The following AHCY variants were observed in gnomAD, a reference collection of about 807,000 sequenced individuals.
AHCY encodes the protein adenosylhomocysteinase.
A neutral mutation model predicts 45.4 loss-of-function variants in AHCY; 24 were observed. The ratio of observed to expected loss-of-function variants is 0.53; its 90% CI spans 0.38 to 0.74. The LOEUF is 0.74. Ranked by LOEUF, AHCY falls within the 30% of genes least tolerant of loss-of-function variation. The pLI is 0.00. For missense variants in AHCY, 449 were observed against 594.1 expected (o/e 0.76, Z 2.54); for synonymous variants, 245 against 235.1 (o/e 1.04, Z -0.39).
chr20:34,304,151 CTG>C (rs1175352180), upstream of AHCY, among the ~76,000 whole-genome samples: 4 of 152,328 alleles, frequency 2.6e-5, no homozygotes, highest in East Asian at 7.7e-4. Context: ...TTAAATAGTT[CTG>C]TGTTTAGCAC....
At chr20:34,291,089 A>T in intron 5 of AHCY, 151 bp from the exon 6 acceptor site, 1 of 732,442 alleles carries the variant, frequency 1.4e-6, no homozygotes, top group Non-Finnish European at 2.3e-6. Flanking sequence ...CAATGCCCCC[A>T]CAAGCCCTTC....
At chr20:34,268,325 T>C in the AHCY span, among the ~76,000 whole-genome samples, 21 of 152,194 alleles carry the variant, frequency 1.4e-4, no homozygotes, top group Non-Finnish European at 2.5e-4. Context: ...CTGCGTTCGG[T>C]GCACAGCGGG....
intron 1 of AHCY, among the ~76,000 whole-genome samples, chr20:34,309,977 T>C (rs763960069): frequency 6.6e-6 from 1 of 151,150 alleles, no homozygotes; most frequent in South Asian, 2.1e-4. Context: ...AGAAGAACCA[T>C]GGAGGTGGAG....
intron 8 of AHCY, chr20:34,286,139 C>T (rs530782499): frequency 4.5e-6 from 1 of 224,304 alleles, no homozygotes; most frequent in African/African-American, 2.3e-5. Context: ...CAAAGAAATG[C>T]TGAGCTGCAG....
chr20:34,311,300 A>C (rs1172084176), intron 1 of AHCY, among the ~76,000 whole-genome samples: 1 of 152,196 alleles, frequency 6.6e-6, no homozygotes, highest in African/African-American at 2.4e-5. Flanking sequence ...TGTACAAGAA[A>C]CTGCTAACAG....
the AHCY span, chr20:34,269,020 G>A: frequency 6.2e-7 from 1 of 1,608,088 alleles, no homozygotes; most frequent in Non-Finnish European, 8.5e-7. Flanking sequence ...AAGTGGTGCG[G>A]CCCCGGACCC....
In AHCY at chr20:34,290,560, A is replaced by G; in HGVS notation, c.845T>C (p.Ile282Thr). Reference sequence around the variant, plus strand: ...CCCATCTGGCACCTACCGGCCAAGGATGATGTCAATACAGCCTGTGGTGGT... The same window carrying G: ...CCCATCTGGCACCTACCGGCCAAGGGTGATGTCAATACAGCCTGTGGTGGT... Reference protein sequence around the residue: ...FVTTTGCIDIILGRHFEQMKD... With the variant: ...FVTTTGCIDITLGRHFEQMKD... Residue 282 changes from isoleucine (I) to threonine (T), a missense_variant, in exon 7 of 10, where the codon ATC (isoleucine) becomes ACC (threonine). Ile to Thr is a moderately conservative substitution (Grantham distance 89, BLOSUM62 -1). Transcript: ENST00000217426. This position sits in a 1 kb window ranked among gnomAD's most constrained non-coding sequence, Gnocchi z 4.5. 5 of 1,614,144 alleles carry G rather than the reference A, an allele frequency of 3.1e-6. No individual in the cohort carries two copies. Among genetic ancestry groups the G allele is most frequent in the Non-Finnish European group, 4.2e-6 (5 of 1,180,016 alleles).
At chr20:34,253,795 G>A in the AHCY span, among the ~76,000 whole-genome samples, 1 of 152,124 alleles carries the variant, frequency 6.6e-6, no homozygotes, top group Admixed American at 6.6e-5. Context: ...GACCTAGGTG[G>A]ACCTAGGGTC....
At chr20:34,260,277 C>A in the AHCY span, 1 of 1,387,216 alleles carries the variant, frequency 7.2e-7, no homozygotes, top group Non-Finnish European at 9.8e-7. Flanking sequence ...GGTCACAACA[C>A]CAGCCCAAAG....
chr20:34,288,441 G>A (rs2036259205), intron 8 of AHCY, among the ~76,000 whole-genome samples: 1 of 152,330 alleles, frequency 6.6e-6, no homozygotes. Flanking sequence ...CAGCACTTTG[G>A]GAGATAACTT....
rs538223864 is a variant in AHCY, at chr20:34,303,348, G to C, written c.-78C>G. The C allele has an allele frequency of 1.3e-5, 20 of 1,540,480 alleles. No homozygotes were observed. The South Asian group carries it at 1.9e-4, about 15-fold the overall frequency. On this transcript the variant is annotated 5_prime_UTR_variant, in exon 1 of 10. Coordinates refer to ENST00000217426, the MANE Select transcript of AHCY (RefSeq NM_000687.4). ...GAACAGGAACTGGGCGGGCAGCGCC[G>C]AGCAGGGATATGCGCGTGGCGCCGA...
At chr20:34,248,940 A>C in the AHCY span, among the ~76,000 whole-genome samples, 2 of 150,972 alleles carry the variant, frequency 1.3e-5, no homozygotes, top group African/African-American at 4.9e-5. Context: ...CAACATGGTA[A>C]AACCCCATCT....
At position 34,290,505 on chromosome 20, in the gene AHCY, T is replaced by C. The variant is rs757963554; in HGVS notation, c.854+46A>G. ...GTCAGGGACAGAAAGCTGTCCCAAC[T>C]CTGCCCTCCTCCCTCACTCCCCGGG... On this transcript the variant is annotated intron_variant, in intron 7 of 9. Coordinates refer to ENST00000217426, the MANE Select transcript of AHCY (RefSeq NM_000687.4). The surrounding 1 kb of genome is among the most constrained non-coding windows in gnomAD (Gnocchi z 4.5). 1.2e-6 allele frequency: 2 copies of C among 1,613,560 alleles called. No individual in the cohort carries two copies. The highest frequency in any genetic ancestry group is 3.3e-5 in the Admixed American group (2 of 60,024).
At chr20:34,295,119 A>G in intron 2 of AHCY, 1 of 554,764 alleles carries the variant, frequency 1.8e-6, no homozygotes, top group Non-Finnish European at 3.3e-6. Context: ...TAAGTAGGAC[A>G]TGGGTGTTGA....
At chr20:34,233,292 C>T in the AHCY span, among the ~76,000 whole-genome samples, 1 of 151,972 alleles carries the variant, frequency 6.6e-6, no homozygotes, top group African/African-American at 2.4e-5. Flanking sequence ...GGACTACAGG[C>T]ACCCACCACC....
At chr20:34,235,723 G>A in the AHCY span, among the ~76,000 whole-genome samples, 1 of 148,258 alleles carries the variant, frequency 6.7e-6, no homozygotes, top group Admixed American at 6.8e-5. Context: ...AGTCGTGGCT[G>A]AAGTGGGCTC....
At chr20:34,293,457 T>C (rs1345442068) in intron 3 of AHCY, 1 of 163,198 alleles carries the variant, frequency 6.1e-6, no homozygotes, top group African/African-American at 2.5e-5. Flanking sequence ...CAAGACTCTG[T>C]CTCAAAAAGA....
downstream of AHCY, among the ~76,000 whole-genome samples, chr20:34,277,421 C>T (rs2035917933): frequency 6.6e-6 from 1 of 152,158 alleles, no homozygotes; most frequent in Admixed American, 6.6e-5. Context: ...CCTAAATTCC[C>T]TGCTCTCAAA....
rs1305282344 is a variant in AHCY at position 34,290,700 on chromosome 20, T to A, written c.766+31A>T. ...GCCTTGCCCCTCCCTCTGGCCCCAG[T>A]GGCTGACAACCAACCCTTGCCCTAT... On this transcript the variant is annotated intron_variant, in intron 6 of 9. Coordinates refer to ENST00000217426, the MANE Select transcript of AHCY (RefSeq NM_000687.4). The surrounding 1 kb of genome is among the most constrained non-coding windows in gnomAD (Gnocchi z 4.5). The A allele has an allele frequency of 6.2e-7, 1 of 1,613,788 alleles. No individual in the cohort carries two copies. Among genetic ancestry groups the A allele is most frequent in the Non-Finnish European group, 8.5e-7 (1 of 1,179,956 alleles).
Sources: gnomAD v4.1 joint callset for allele counts (sites outside exome capture counted in the v4.1 genomes callset) on GRCh38, gnomAD v4.1.1 for gene constraint, Gnocchi (gnomAD v3.1) non-coding constraint, MANE v1.5 for transcripts, NCBI Gene and HGNC (gene_info 2026-07-23, HGNC 2026-07-21) for gene names.